Variants in SFTPB observed in about 807,000 individuals in gnomAD.
SFTPB encodes the protein surfactant protein B.
SFTPB carries 32 observed loss-of-function variants against 51.0 expected under a neutral mutation model. The observed-to-expected ratio is 0.63, with a 90% confidence interval of 0.47 to 0.84. SFTPB has a LOEUF of 0.84. Among genes scored for constraint, SFTPB ranks in the 40% least tolerant of loss-of-function variants. SFTPB has a pLI of 0.00. For synonymous variants in SFTPB, 211 were observed against 208.5 expected (o/e 1.01, Z -0.10); for missense variants, 431 against 491.2 (o/e 0.88, Z 1.16).
intron 4 of SFTPB, 52 bp downstream of exon 4, chr2:85,666,565 G>A: frequency 1.9e-6 from 3 of 1,601,940 alleles, no homozygotes; most frequent in Middle Eastern, 1.7e-4. Flanking sequence ...CCATGGGTGG[G>A]CACAGGGGCC....
At chr2:85,662,493 C>T (rs940252205) in intron 8 of SFTPB, among the ~76,000 whole-genome samples, 4 of 152,150 alleles carry the variant, frequency 2.6e-5, no homozygotes, top group African/African-American at 7.2e-5. Context: ...TGGACAGCTG[C>T]CTCCTGGGAA....
intron 4 of SFTPB, among the ~76,000 whole-genome samples, chr2:85,666,329 C>A (rs1367057048): frequency 1.6e-4 from 18 of 114,524 alleles, no homozygotes; most frequent in Non-Finnish European, 3.3e-4. Flanking sequence ...GGCTGGGGTA[C>A]TGTGTGTGTG....
At chr2:85,666,805 G>A in intron 3 of SFTPB, 63 bp from the exon 4 acceptor site, 1 of 1,608,032 alleles carries the variant, frequency 6.2e-7, no homozygotes, top group Non-Finnish European at 8.5e-7. Flanking sequence ...CAAGTCCCTG[G>A]ACACAAGGCC....
chr2:85,667,302 C>A, intron 2 of SFTPB, 125 bp from the exon 3 acceptor site: 1 of 749,480 alleles, frequency 1.3e-6, no homozygotes, highest in Non-Finnish European at 2.4e-6. Flanking sequence ...GCCCACCAGC[C>A]CAACTTGTCC....
At position 85,663,689 on chromosome 2, in the gene SFTPB, G is replaced by A. The variant is rs1250929103; in HGVS notation, c.831C>T (p.Cys277=). ...PQLVCRLVLR[C]SMDDSAGPRS... ...TTGGGCCAGCGCTGTCATCCATGGA[G>A]CACCGGAGGACGAGGCGGCAGACCA... The change falls in exon 7 of 11, where the codon TGC becomes TGT. Residue 277 remains cysteine, a synonymous_variant. Transcript: ENST00000519937. 8 of 1,612,660 alleles carry A rather than the reference G, an allele frequency of 5.0e-6. No homozygotes were observed. Among genetic ancestry groups the A allele is most frequent in the South Asian group, 2.2e-5 (2 of 90,750 alleles).
Position 85,667,901 on chromosome 2 carries a change from G to T in SFTPB, c.68-95C>A, listed in dbSNP as rs1482154956. 1.2e-5 allele frequency: 18 copies of T among 1,551,160 alleles called. No homozygotes were observed. In the East Asian group the frequency reaches 3.5e-4, roughly 30 times the overall value. On this transcript the variant is annotated intron_variant, in intron 1 of 10. Coordinates refer to ENST00000519937, the MANE Select transcript of SFTPB (RefSeq NM_000542.5). Reference sequence around the variant, plus strand: ...CCCTCTAGACCCAGTTTTGCTGGGAGTGTGAGGCCATTAAACATGTGGACG... The same window carrying T: ...CCCTCTAGACCCAGTTTTGCTGGGATTGTGAGGCCATTAAACATGTGGACG...
intron 10 of SFTPB, among the ~76,000 whole-genome samples, chr2:85,660,655 A>G (rs2104391129): frequency 6.6e-6 from 1 of 151,856 alleles, no homozygotes; most frequent in African/African-American, 2.4e-5. Flanking sequence ...GGGTTTCGCC[A>G]TGTTGGCCAG....
chr2:85,668,271 C>A (rs1447512343), upstream of SFTPB: 4 of 1,302,456 alleles, frequency 3.1e-6, no homozygotes, highest in Admixed American at 6.0e-5. Context: ...TGGCAGCGAC[C>A]TCAGTGTTTG....
At position 85,661,451 on chromosome 2, in the gene SFTPB, C is replaced by T. The variant is rs1313447627; in HGVS notation, c.*19+3G>A. On this transcript the variant is annotated splice_donor_region_variant and intron_variant, in intron 10 of 10. Coordinates refer to ENST00000519937, the MANE Select transcript of SFTPB (RefSeq NM_000542.5). ...CTCCCCGCAACTGGGGGCCTGGACT[C>T]ACCTGGACAGCTGAGTTCTCATCAA... 1.2e-6 allele frequency: 2 copies of T among 1,604,132 alleles called. No homozygotes were observed. Among genetic ancestry groups the T allele is most frequent in the South Asian group, 2.2e-5 (2 of 89,202 alleles).
chr2:85,663,235 G>C, intron 8 of SFTPB, 111 bp downstream of exon 8: 1 of 1,416,554 alleles, frequency 7.1e-7, no homozygotes, highest in South Asian at 1.2e-5. Flanking sequence ...CTGCCTGTCT[G>C]TGCTCCATTC....
chr2:85,662,866 A>G lies in SFTPB; in HGVS notation c.1002+480T>C, dbSNP rs886722131. On this transcript the variant is annotated intron_variant, in intron 8 of 10. Transcript: ENST00000519937. ...AAAAAAAAAAAAAAAAAAAAAAAAA[A>G]GGGAATTTCCTGTCATTGACTGAGT... 4.3e-3 allele frequency among the ~76,000 whole-genome samples: 639 copies of G among 148,200 alleles called. 2 individuals carry two copies. The highest frequency in any genetic ancestry group is 7.3e-3 in the Non-Finnish European group (494 of 67,450).
upstream of SFTPB, chr2:85,668,250 C>T: frequency 6.8e-7 from 1 of 1,467,398 alleles, no homozygotes; most frequent in Non-Finnish European, 9.3e-7. Flanking sequence ...GGCGTGGGGG[C>T]TCTGTAGGAG....
chr2:85,667,285 T>C, intron 2 of SFTPB, 108 bp from the exon 3 acceptor site: 3 of 828,898 alleles, frequency 3.6e-6, no homozygotes, highest in East Asian at 5.0e-5. Context: ...CCAAGGCACA[T>C]GCAGCTGCCC....
Position 85,663,400 on chromosome 2 carries a change from G to C in SFTPB, c.948C>G (p.Ala316=). The change falls in exon 8 of 11, where the codon GCC becomes GCG. Residue 316 remains alanine (A), a synonymous_variant. Coordinates refer to ENST00000519937, the MANE Select transcript of SFTPB (RefSeq NM_000542.5). Reference sequence around the variant, plus strand: ...AGGCCTGGAGCATTGCCTGTGGTATGGCCTGCTCGCTGCTGTTCCCGGCCT... The same window carrying C: ...AGGCCTGGAGCATTGCCTGTGGTATCGCCTGCTCGCTGCTGTTCCCGGCCT... The part of the protein sequence containing the change: ...TTQAGNSSEQ[A]IPQAMLQACV... 2 of 1,613,882 alleles carry C rather than the reference G, an allele frequency of 1.2e-6. No individual in the cohort carries two copies. The highest frequency in any genetic ancestry group is 1.7e-6 in the Non-Finnish European group (2 of 1,180,026).
At chr2:85,667,031 G>A (rs1315084424) in intron 3 of SFTPB, 75 bp downstream of exon 3, 9 of 1,365,348 alleles carry the variant, frequency 6.6e-6, no homozygotes, top group Non-Finnish European at 8.4e-6. Context: ...GGCCCCTTTA[G>A]GGGGCTCAGC....
Position 85,661,462 on chromosome 2 carries a change from C to T in SFTPB, c.*11G>A. On this transcript the variant is annotated 3_prime_UTR_variant, in exon 10 of 11. Coordinates refer to ENST00000519937, the MANE Select transcript of SFTPB (RefSeq NM_000542.5). Reference sequence around the variant, plus strand: ...TGGGGGCCTGGACTCACCTGGACAGCTGAGTTCTCATCAAAGGTCGGGGCT... The same window carrying T: ...TGGGGGCCTGGACTCACCTGGACAGTTGAGTTCTCATCAAAGGTCGGGGCT... 6.2e-6 allele frequency: 10 copies of T among 1,607,978 alleles called. No individual in the cohort carries two copies. Among genetic ancestry groups the T allele is most frequent in the Non-Finnish European group, 8.5e-6 (10 of 1,176,696 alleles).
At chr2:85,665,027 T>A (rs1210453434) in intron 6 of SFTPB, among the ~76,000 whole-genome samples, 1 of 152,224 alleles carries the variant, frequency 6.6e-6, no homozygotes, top group Non-Finnish European at 1.5e-5. Flanking sequence ...TCCGTTTTTG[T>A]ACTTTGGCTC....
chr2:85,661,992 G>C (rs750807495), intron 9 of SFTPB, 37 bp downstream of exon 9: 1 of 1,566,954 alleles, frequency 6.4e-7, no homozygotes, highest in Non-Finnish European at 8.7e-7. Context: ...TGGGAGCCAA[G>C]GGAAGTCCTA....
At position 85,665,785 on chromosome 2, in the gene SFTPB, C is replaced by G; in HGVS notation, c.403G>C (p.Gly135Arg). Residue 135 changes from glycine to arginine, a missense_variant, in exon 5 of 11, where the codon GGC becomes CGC. By Grantham distance (125) the Gly-to-Arg change is moderately radical. Transcript: ENST00000519937. The part of the protein sequence containing the change: ...DYFQNQTDSN[G>R]ICMHLGLCKS... ...CACAGGCCCAGGTGCATACAGATGC[C>G]GTTTGAGTCCTGGGGCACAGCACAG... The G allele has an allele frequency of 1.2e-6, 2 of 1,614,148 alleles. No individual in the cohort carries two copies. The highest frequency in any genetic ancestry group is 1.7e-6 in the Non-Finnish European group (2 of 1,180,026).
Sources: allele counts gnomAD v4.1 joint callset (sites outside exome capture counted in the v4.1 genomes callset), GRCh38; gene constraint gnomAD v4.1.1; transcripts MANE v1.5; gene names NCBI Gene and HGNC (gene_info 2026-07-23, HGNC 2026-07-21).